Variants in GULP1 observed in about 807,000 individuals in gnomAD.
The protein encoded by GULP1 is GULP PTB domain containing engulfment adaptor 1, also known as PTB domain-containing engulfment adapter protein 1.
GULP1 carries 19 observed loss-of-function variants against 40.9 expected under a neutral mutation model. That is an observed-to-expected ratio of 0.46 (90% CI 0.32 to 0.68). The LOEUF (loss-of-function observed/expected upper bound fraction) is 0.68, where lower values mean the gene tolerates loss of function less well. Ranked by LOEUF, GULP1 falls within the 30% of genes least tolerant of loss-of-function variation. GULP1 has a pLI of 0.03. For missense variants in GULP1, 312 were observed against 362.2 expected (o/e 0.86, Z 1.12); for synonymous variants, 119 against 117.6 (o/e 1.01, Z -0.08).
In GULP1 at chr2:188,433,795, T is replaced by A. The variant is rs139628421; in HGVS notation, c.-44-43864T>A. Among the ~76,000 whole-genome samples, 487 of 152,256 alleles carry A rather than the reference T, an allele frequency of 3.2e-3. 6 individuals carry two copies. The highest frequency in any genetic ancestry group is 0.011 in the African/African-American group (459 of 41,566). ...CATGACCATGGCTTGTAACACAGCC[T>A]CAGGAAGTCCTGAGAACATGTTCTC... On this transcript the variant is annotated intron_variant, in intron 2 of 11. Coordinates refer to ENST00000409830, the MANE Select transcript of GULP1 (RefSeq NM_016315.4).
intron 1 of GULP1, among the ~76,000 whole-genome samples, chr2:188,380,027 C>T (rs976442924): frequency 3.3e-5 from 5 of 152,172 alleles, no homozygotes; most frequent in African/African-American, 1.2e-4. Context: ...TTATTTTCCT[C>T]TCACTAGTAA....
At chr2:188,529,978 G>A (rs941783581) in intron 6 of GULP1, among the ~76,000 whole-genome samples, 4 of 152,160 alleles carry the variant, frequency 2.6e-5, no homozygotes, top group Non-Finnish European at 5.9e-5. Flanking sequence ...GCCCAGCAGC[G>A]TGAACATGGA....
intron 7 of GULP1, among the ~76,000 whole-genome samples, chr2:188,545,501 G>A (rs1265829673): frequency 6.6e-6 from 1 of 151,762 alleles, no homozygotes; most frequent in African/African-American, 2.4e-5. Context: ...CACATGAACT[G>A]GAAAAATAAT....
chr2:188,569,788 C>T, intron 8 of GULP1: 1 of 379,996 alleles, frequency 2.6e-6, no homozygotes, highest in Admixed American at 4.6e-5. Flanking sequence ...AACAAGAAAA[C>T]ACAATGTTGA....
At chr2:188,584,970 G>A (rs907059768) in intron 10 of GULP1, among the ~76,000 whole-genome samples, 1 of 152,112 alleles carries the variant, frequency 6.6e-6, no homozygotes, top group African/African-American at 2.4e-5. Context: ...CTATAAGCCT[G>A]TAAAATAAAA....
intron 2 of GULP1, among the ~76,000 whole-genome samples, chr2:188,446,412 C>A (rs578051813): frequency 2.5e-4 from 38 of 152,272 alleles, no homozygotes; most frequent in Middle Eastern, 6.8e-3. Context: ...TTTTGGTCAG[C>A]CTGTTACTTG....
At chr2:188,533,059 A>G (rs1687980481) in intron 6 of GULP1, among the ~76,000 whole-genome samples, 1 of 152,202 alleles carries the variant, frequency 6.6e-6, no homozygotes, top group South Asian at 2.1e-4. Flanking sequence ...ATGAAACCCA[A>G]TTGACCAATA....
chr2:188,575,075 G>A (rs115359197), intron 9 of GULP1, among the ~76,000 whole-genome samples: 4,504 of 152,198 alleles, frequency 0.03, 240 homozygotes, highest in African/African-American at 0.1. Flanking sequence ...AATAATTTTA[G>A]GTTGAAGCCT....
chr2:188,312,661 C>T (rs998442935), intron 1 of GULP1, among the ~76,000 whole-genome samples: 6 of 152,074 alleles, frequency 3.9e-5, no homozygotes, highest in South Asian at 4.2e-4. Context: ...AGTAAATACC[C>T]GGTAATGGGA....
chr2:188,335,884 ACT>A (rs1018287639), intron 1 of GULP1, among the ~76,000 whole-genome samples: 6 of 152,050 alleles, frequency 3.9e-5, no homozygotes, highest in Non-Finnish European at 7.4e-5. Context: ...AAGTGGGAAC[ACT>A]CTCATTTTAT....
intron 2 of GULP1, among the ~76,000 whole-genome samples, chr2:188,456,684 ACTGGGG>A (rs781524639): frequency 7.2e-5 from 11 of 152,188 alleles, no homozygotes; most frequent in Non-Finnish European, 1.2e-4. Flanking sequence ...CAGAGTCCCT[ACTGGGG>A]CACCACCTAG....
chr2:188,564,613 G>GATATA (rs1357627352), intron 7 of GULP1, among the ~76,000 whole-genome samples: 1 of 151,846 alleles, frequency 6.6e-6, no homozygotes, highest in African/African-American at 2.4e-5. Flanking sequence ...TAGATTGGAA[G>GATATA]GCTCAGTTTA....
intron 1 of GULP1, among the ~76,000 whole-genome samples, chr2:188,336,465 A>G (rs1040149807): frequency 6.6e-6 from 1 of 152,218 alleles, no homozygotes; most frequent in African/African-American, 2.4e-5. Context: ...ATCAAAAAGG[A>G]CAGACAAGAT....
chr2:188,364,171 G>A (rs1391213636), intron 1 of GULP1, among the ~76,000 whole-genome samples: 2 of 152,084 alleles, frequency 1.3e-5, no homozygotes, highest in African/African-American at 4.8e-5. Context: ...TCTTGCTCAA[G>A]CAATAGGCAA....
At chr2:188,437,839 G>A (rs1031152450) in intron 2 of GULP1, among the ~76,000 whole-genome samples, 13 of 152,162 alleles carry the variant, frequency 8.5e-5, no homozygotes, top group African/African-American at 1.2e-4. Flanking sequence ...ACCAAATACC[G>A]CATATTCTCA....
chr2:188,529,760 C>T (rs568396988), intron 6 of GULP1, among the ~76,000 whole-genome samples: 1 of 152,252 alleles, frequency 6.6e-6, no homozygotes, highest in East Asian at 1.9e-4. Flanking sequence ...TGCCTTTTCA[C>T]ACTTGTCTGG....
At chr2:188,479,687 C>T (rs2061301529) in intron 3 of GULP1, among the ~76,000 whole-genome samples, 1 of 152,000 alleles carries the variant, frequency 6.6e-6, no homozygotes, top group Non-Finnish European at 1.5e-5. Context: ...TATATATATG[C>T]TTATAATCCT....
intron 2 of GULP1, among the ~76,000 whole-genome samples, chr2:188,418,882 C>G (rs1041442071): frequency 7.2e-5 from 11 of 152,088 alleles, no homozygotes; most frequent in Admixed American, 2.6e-4. Flanking sequence ...CTCCCCATTT[C>G]TCCTCCTGCA....
intron 4 of GULP1, among the ~76,000 whole-genome samples, chr2:188,492,802 A>G (rs1304401469): frequency 6.6e-6 from 1 of 152,046 alleles, no homozygotes; most frequent in Non-Finnish European, 1.5e-5. Flanking sequence ...AGGTTGTTTT[A>G]AGGTTCAAGA....
Sources: gnomAD v4.1 joint callset for allele counts (sites outside exome capture counted in the v4.1 genomes callset) on GRCh38, gnomAD v4.1.1 for gene constraint, MANE v1.5 for transcripts, NCBI Gene and HGNC (gene_info 2026-07-23, HGNC 2026-07-21) for gene names.